The following ROS1 variants were observed in gnomAD, a reference collection of about 807,000 sequenced individuals.
ROS1 encodes the protein proto-oncogene tyrosine-protein kinase ROS.
In ROS1, 263 loss-of-function variants were observed where a neutral mutation model predicts 273.5. The observed-to-expected ratio is 0.96, with a 90% CI of 0.87 to 1.06. The LOEUF is 1.06. Among genes scored for constraint, ROS1 ranks in the 50% least tolerant of loss-of-function variants. The pLI, the probability that ROS1 is intolerant of heterozygous loss-of-function variation, is 0.00. For missense variants in ROS1, 2,833 were observed against 2,751.1 expected, an observed-to-expected ratio of 1.03 and a Z score of -0.67; for synonymous variants, 1,008 against 954.1, an observed-to-expected ratio of 1.06 and a Z score of -1.04.
At chr6:117,393,009 A>T (rs111583811) in intron 12 of ROS1, among the ~76,000 whole-genome samples, 1 of 152,300 alleles carries the variant, frequency 6.6e-6, no homozygotes, top group Non-Finnish European at 1.5e-5. Flanking sequence ...AAGGAGAGAG[A>T]AATAACTACT....
chr6:117,337,174 T>G lies in ROS1; in HGVS notation c.5228A>C (p.Lys1743Thr), dbSNP rs537810933. The G allele has an allele frequency of 5.6e-6, 9 of 1,611,064 alleles. No individual in the cohort carries two copies. Among genetic ancestry groups the G allele is most frequent in the Non-Finnish European group, 7.6e-6 (9 of 1,178,302 alleles). The change falls in exon 32 of 44, where the codon AAA becomes ACA. Residue 1743 changes from lysine (K) to threonine (T), a missense_variant and splice_region_variant. Transcript: ENST00000368507. ...GTATTGAGTATGTTAGTACTCACCTTTTGTCTTAAAGCTTTCTGGAAGTGA... is the reference window on the plus strand; with the variant it reads ...GTATTGAGTATGTTAGTACTCACCTGTTGTCTTAAAGCTTTCTGGAAGTGA... ...STSLPESFKT[K>T]AGVPNKPGIP... is the part of the protein sequence containing the mutation.
chr6:117,302,659 T>C (rs150027078), intron 42 of ROS1, among the ~76,000 whole-genome samples: 26 of 152,326 alleles, frequency 1.7e-4, no homozygotes, highest in African/African-American at 6.0e-4. Context: ...AGGGTGCTAC[T>C]TGGCAGAATC....
chr6:117,421,627 G>A (rs960721598), intron 1 of ROS1, among the ~76,000 whole-genome samples: 1 of 152,008 alleles, frequency 6.6e-6, no homozygotes, highest in African/African-American at 2.4e-5. Context: ...AGTATTCCAT[G>A]GTGTATATAT....
In ROS1 at chr6:117,362,617, A is replaced by T. The variant is rs1562316462; in HGVS notation, c.3352T>A (p.Phe1118Ile). Residue 1118 changes from phenylalanine to isoleucine, a missense_variant, in exon 22 of 44, where the codon TTT (phenylalanine) becomes ATT (isoleucine). By Grantham distance (21) the Phe-to-Ile change is conservative (BLOSUM62 0). Coordinates refer to ENST00000368507, the MANE Select transcript of ROS1 (RefSeq NM_001378902.1). ...FQLEGMSPRC[F>I]IAFQVRAFTS... is the part of the protein sequence containing the mutation. ...CTCTCTCATACCTGGAAGGCAATAA[A>T]GCATCTGGGACTCATGCCTTCAAGT... The T allele has an allele frequency of 4.3e-6, 7 of 1,612,842 alleles. No homozygotes were observed. The highest frequency in any genetic ancestry group is 5.9e-6 in the Non-Finnish European group (7 of 1,179,504).
At chr6:117,383,251 G>T (rs1237883983) in intron 17 of ROS1, 66 bp downstream of exon 17, 5 of 1,244,076 alleles carry the variant, frequency 4.0e-6, no homozygotes, top group South Asian at 1.5e-5. Context: ...ATAAGCGAGA[G>T]AAAGTATTAT....
intron 22 of ROS1, among the ~76,000 whole-genome samples, chr6:117,360,980 C>T (rs1342462422): frequency 6.6e-6 from 1 of 152,034 alleles, no homozygotes; most frequent in East Asian, 1.9e-4. Context: ...TTAAATCTTA[C>T]ATTTGAAAAT....
chr6:117,355,319 G>C (rs1195007687), intron 26 of ROS1, among the ~76,000 whole-genome samples: 1 of 152,098 alleles, frequency 6.6e-6, no homozygotes, highest in African/African-American at 2.4e-5. Context: ...TTAATGATAG[G>C]AATTGTTTCT....
chr6:117,288,906 G>T, intron 43 of ROS1, 104 bp from the exon 44 acceptor site: 1 of 916,448 alleles, frequency 1.1e-6, no homozygotes, highest in Non-Finnish European at 1.6e-6. Flanking sequence ...TTACACATTT[G>T]TTCAGCAAAC....
Position 117,327,244 on chromosome 6 carries a change from A to G in ROS1, c.5349-830T>C, listed in dbSNP as rs75480780. Among the ~76,000 whole-genome samples, 1,201 of 152,268 alleles carry G rather than the reference A, an allele frequency of 7.9e-3. 15 individuals carry two copies. Among genetic ancestry groups the G allele is most frequent in the African/African-American group, 0.028 (1,158 of 41,542 alleles). On this transcript the variant is annotated intron_variant, in intron 33 of 43. Transcript: ENST00000368507. ...AGGCTGGCCCTCATAAGAGGCAGGG[A>G]AAGGGTAAGAACATCGGGAGCAGCA...
At chr6:117,310,394 T>TA in intron 40 of ROS1, 113 bp from the exon 41 acceptor site, 1 of 704,894 alleles carries the variant, frequency 1.4e-6, no homozygotes, top group Non-Finnish European at 2.2e-6. Context: ...TTTTTTTTTT[T>TA]ACTTTAAGTT....
At chr6:117,307,931 C>G (rs1775234571) in intron 42 of ROS1, among the ~76,000 whole-genome samples, 1 of 152,146 alleles carries the variant, frequency 6.6e-6, no homozygotes, top group South Asian at 2.1e-4. Context: ...TGGCATCCAA[C>G]TGCTCTCTGT....
In ROS1 at chr6:117,357,997, A is replaced by T. The variant is rs1282834794; in HGVS notation, c.3646T>A (p.Ser1216Thr). The change falls in exon 25 of 44, where the codon TCA becomes ACA. Residue 1216 changes from serine to threonine, a missense_variant. Ser to Thr is a moderately conservative substitution (Grantham distance 58). Transcript: ENST00000368507. The stretch of plus-strand genomic sequence containing the variant: ...ATAACTGTGATATCAAAAACCAGTG[A>T]ATCTTGGAAAAGCTTAACAACAGGT... ...NRSSSELFQDSLVFDITVITI... is the reference protein window; with the variant it reads ...NRSSSELFQDTLVFDITVITI... The T allele has an allele frequency of 5.0e-6, 8 of 1,612,440 alleles. No individual in the cohort carries two copies. The highest frequency in any genetic ancestry group is 6.8e-6 in the Non-Finnish European group (8 of 1,178,842).
chr6:117,401,405 G>A (rs948032929), intron 7 of ROS1, among the ~76,000 whole-genome samples: 4 of 152,150 alleles, frequency 2.6e-5, no homozygotes, highest in Non-Finnish European at 4.4e-5. Flanking sequence ...GGCCCTGTGC[G>A]ACCAAGTCTC....
chr6:117,367,357 A>G (rs908201482), intron 18 of ROS1, among the ~76,000 whole-genome samples: 1 of 152,216 alleles, frequency 6.6e-6, no homozygotes, highest in Non-Finnish European at 1.5e-5. Flanking sequence ...GACAGGAATG[A>G]CAGCTCTTAA....
In ROS1 at chr6:117,366,193, T is replaced by C. The variant is rs1255849184; in HGVS notation, c.2680A>G (p.Asn894Asp). ...TGAGTTGTGATAATCCTAAAGCCAT[T>C]GATCCAGAACAGCCGACCACTATAG... ...MYYSGRLFWI[N>D]GFRIITTQEI... Residue 894 changes from asparagine (N) to aspartate (D), a missense_variant, in exon 19 of 44, where the codon AAT becomes GAT. Transcript: ENST00000368507. 4 of 1,613,960 alleles carry C rather than the reference T, an allele frequency of 2.5e-6. No individual in the cohort carries two copies. Among genetic ancestry groups the C allele is most frequent in the South Asian group, 1.1e-5 (1 of 91,086 alleles).
Position 117,342,455 on chromosome 6 carries a change from A to T in ROS1, c.4596T>A (p.Asp1532Glu), listed in dbSNP as rs754848627. ...IQIAVKNYYS[D>E]PLEHLPPGKE... The stretch of plus-strand genomic sequence containing the variant: ...TTCCTGGTGGTAAATGTTCCAAAGG[A>T]TCTGAATAATAATTTTTTACAGCTA... The change falls in exon 29 of 44, where the codon GAT (aspartate) becomes GAA (glutamate). Residue 1532 changes from aspartate (D) to glutamate (E), a missense_variant. Asp to Glu is a conservative substitution (Grantham distance 45). Coordinates refer to ENST00000368507, the MANE Select transcript of ROS1 (RefSeq NM_001378902.1). 1.9e-6 allele frequency: 3 copies of T among 1,610,344 alleles called. No homozygotes were observed. In the African/African-American group the frequency reaches 4.0e-5, roughly 22 times the overall value.
At chr6:117,378,714 C>G (rs1251855703) in intron 18 of ROS1, among the ~76,000 whole-genome samples, 2 of 152,118 alleles carry the variant, frequency 1.3e-5, no homozygotes, top group Non-Finnish European at 2.9e-5. Context: ...CCCTTTCACT[C>G]TCTAATTTTC....
At chr6:117,359,006 C>G (rs1779559669) in intron 24 of ROS1, among the ~76,000 whole-genome samples, 1 of 152,160 alleles carries the variant, frequency 6.6e-6, no homozygotes, top group Admixed American at 6.5e-5. Flanking sequence ...AGAATGACAC[C>G]TGTCTCCTTA....
chr6:117,399,235 T>C (rs1773754581), intron 7 of ROS1, among the ~76,000 whole-genome samples: 2 of 152,224 alleles, frequency 1.3e-5, no homozygotes, highest in Non-Finnish European at 2.9e-5. Context: ...TTATTTTGAT[T>C]TGCCCAGCCA....
Sources: allele counts gnomAD v4.1 joint callset (sites outside exome capture counted in the v4.1 genomes callset), GRCh38; gene constraint gnomAD v4.1.1; transcripts MANE v1.5; gene names NCBI Gene and HGNC (gene_info 2026-07-23, HGNC 2026-07-21).